KCND3: variants seen among roughly 807,000 people sequenced by gnomAD.
KCND3 encodes A-type voltage-gated potassium channel KCND3.
KCND3 carries 9 observed loss-of-function variants against 51.1 expected under a neutral mutation model. That is an observed-to-expected ratio of 0.18 (90% CI 0.11 to 0.31). The LOEUF is 0.31. KCND3 is among the 10% of genes least tolerant of loss of function. KCND3 has a pLI of 1.00. For missense variants in KCND3, 526 were observed against 903.8 expected, an observed-to-expected ratio of 0.58 and a Z score of 5.36; for synonymous variants, 349 against 368.0, an observed-to-expected ratio of 0.95 and a Z score of 0.59.
chr1:111,930,151 C>A (rs1443928), intron 2 of KCND3, among the ~76,000 whole-genome samples: 11 of 150,994 alleles, frequency 7.3e-5, no homozygotes, highest in Non-Finnish European at 1.3e-4. Flanking sequence ...TCACTGTTTT[C>A]GGTTTTTGTT....
intron 2 of KCND3, among the ~76,000 whole-genome samples, chr1:111,892,526 G>C (rs1669879147): frequency 6.6e-6 from 1 of 152,210 alleles, no homozygotes; most frequent in Admixed American, 6.5e-5. Flanking sequence ...TGAGTGCCAG[G>C]CTGTTTTCTG....
intron 2 of KCND3, among the ~76,000 whole-genome samples, chr1:111,947,185 C>T (rs1672819656): frequency 6.6e-6 from 1 of 152,170 alleles, no homozygotes; most frequent in Non-Finnish European, 1.5e-5. Flanking sequence ...TCCCTTTCTC[C>T]ACAGAAGGTA....
At chr1:111,891,363 A>C (rs1350932558) in intron 2 of KCND3, among the ~76,000 whole-genome samples, 1 of 152,192 alleles carries the variant, frequency 6.6e-6, no homozygotes, top group East Asian at 1.9e-4. Context: ...GTAAAAAGGA[A>C]GGTATTTTAA....
chr1:111,818,857 G>A (rs905420996), intron 2 of KCND3, among the ~76,000 whole-genome samples: 8 of 152,162 alleles, frequency 5.3e-5, no homozygotes, highest in African/African-American at 1.9e-4. Flanking sequence ...CTGAGGCATA[G>A]CATCCAGAGA....
At chr1:111,862,457 C>T (rs1238345380) in intron 2 of KCND3, among the ~76,000 whole-genome samples, 1 of 152,244 alleles carries the variant, frequency 6.6e-6, no homozygotes, top group Non-Finnish European at 1.5e-5. Context: ...GTAAACTATG[C>T]AATGGGGCCA....
chr1:111,860,624 A>C (rs1308136749), intron 2 of KCND3, among the ~76,000 whole-genome samples: 1 of 152,100 alleles, frequency 6.6e-6, no homozygotes, highest in East Asian at 1.9e-4. Context: ...TCTATCCTTG[A>C]GCTGCAACTG....
chr1:111,897,531 C>T (rs561252766), intron 2 of KCND3, among the ~76,000 whole-genome samples: 14 of 152,320 alleles, frequency 9.2e-5, no homozygotes, highest in Middle Eastern at 3.4e-3. Context: ...GCCCTGTGAA[C>T]GTGCGTGGGG....
chr1:111,861,270 G>C (rs1266598793), intron 2 of KCND3, among the ~76,000 whole-genome samples: 1 of 152,084 alleles, frequency 6.6e-6, no homozygotes, highest in East Asian at 1.9e-4. Flanking sequence ...TCCAGGCAAG[G>C]GTCCCTCGAT....
chr1:111,867,926 T>A (rs904448760), intron 2 of KCND3, among the ~76,000 whole-genome samples: 4 of 152,136 alleles, frequency 2.6e-5, no homozygotes, highest in African/African-American at 9.7e-5. Flanking sequence ...CAAGGTGACA[T>A]GGAGGAAGTC....
intron 1 of KCND3, chr1:111,989,116 C>T (rs1350019336): frequency 6.6e-6 from 1 of 152,356 alleles, no homozygotes; most frequent in East Asian, 1.9e-4. Context: ...GCGAAGCGCC[C>T]CAAACCGCTC....
At chr1:111,852,128 C>T (rs755302954) in intron 2 of KCND3, among the ~76,000 whole-genome samples, 9 of 152,228 alleles carry the variant, frequency 5.9e-5, no homozygotes, top group Non-Finnish European at 1.0e-4. Context: ...TAGTCACCTG[C>T]GTTGCCCAAT....
intron 2 of KCND3, among the ~76,000 whole-genome samples, chr1:111,967,183 C>T (rs957634096): frequency 6.7e-6 from 1 of 149,864 alleles, no homozygotes; most frequent in Non-Finnish European, 1.5e-5. Flanking sequence ...AAAACAAAAA[C>T]GGGGTCGGGG....
At chr1:111,778,372 G>T in intron 6 of KCND3, 64 bp downstream of exon 6, 1 of 1,483,224 alleles carries the variant, frequency 6.7e-7, no homozygotes, top group Non-Finnish European at 9.4e-7. Flanking sequence ...GTAAAAAGGG[G>T]AGAATCCACA....
intron 2 of KCND3, among the ~76,000 whole-genome samples, chr1:111,949,003 A>C (rs534796659): frequency 6.6e-6 from 1 of 152,264 alleles, no homozygotes; most frequent in East Asian, 1.9e-4. Flanking sequence ...AAACCACAAC[A>C]AGCCTTTCTG....
chr1:111,919,360 G>C (rs558658391), intron 2 of KCND3, among the ~76,000 whole-genome samples: 2 of 152,102 alleles, frequency 1.3e-5, no homozygotes, highest in African/African-American at 4.8e-5. Context: ...TCTAGGTATG[G>C]GGTTCAGGGA....
intron 2 of KCND3, among the ~76,000 whole-genome samples, chr1:111,949,509 G>A (rs1429628105): frequency 6.6e-6 from 1 of 150,430 alleles, no homozygotes; most frequent in Admixed American, 7.2e-5. Flanking sequence ...AGATTTAGAA[G>A]GGTAAGGAAA....
At chr1:111,986,833 G>A (rs1230428779) in intron 1 of KCND3, among the ~76,000 whole-genome samples, 1 of 152,126 alleles carries the variant, frequency 6.6e-6, no homozygotes, top group Non-Finnish European at 1.5e-5. Context: ...GCTGAGGCTG[G>A]TGCTCAGCAC....
At chr1:111,853,557 C>T (rs1471745545) in intron 2 of KCND3, among the ~76,000 whole-genome samples, 3 of 152,208 alleles carry the variant, frequency 2.0e-5, no homozygotes, top group Non-Finnish European at 4.4e-5. Context: ...AAAGCCCACC[C>T]CGGCACTCCA....
intron 2 of KCND3, among the ~76,000 whole-genome samples, chr1:111,804,272 G>A (rs987885091): frequency 5.3e-5 from 8 of 152,220 alleles, no homozygotes; most frequent in African/African-American, 1.9e-4. Flanking sequence ...TCTCCTTGTT[G>A]GTCAATATTT....
Sources: gnomAD v4.1 joint callset for allele counts (sites outside exome capture counted in the v4.1 genomes callset) on GRCh38, gnomAD v4.1.1 for gene constraint, MANE v1.5 for transcripts, NCBI Gene and HGNC (gene_info 2026-07-23, HGNC 2026-07-21) for gene names.